DSCAM: variants seen among roughly 807,000 people sequenced by gnomAD.
DSCAM encodes the protein DS cell adhesion molecule.
A neutral mutation model predicts 217.7 loss-of-function variants in DSCAM; 47 were observed. The observed-to-expected ratio is 0.22, with a 90% confidence interval of 0.17 to 0.28. DSCAM has a LOEUF of 0.28. DSCAM is among the 10% of genes least tolerant of loss of function. The pLI is 1.00. For synonymous variants in DSCAM, 1,056 were observed against 1,015.3 expected (o/e 1.04, Z -0.76); for missense variants, 2,080 against 2,618.3 (o/e 0.79, Z 4.49).
chr21:40,385,707 T>A (rs2075077548), intron 3 of DSCAM, among the ~76,000 whole-genome samples: 1 of 152,228 alleles, frequency 6.6e-6, no homozygotes, highest in South Asian at 2.1e-4. Flanking sequence ...GCAGACAGGC[T>A]GTGTGCCACC....
chr21:40,316,638 A>T (rs2074200015), intron 8 of DSCAM, among the ~76,000 whole-genome samples: 1 of 152,170 alleles, frequency 6.6e-6, no homozygotes, highest in Non-Finnish European at 1.5e-5. Context: ...CCTGAATATG[A>T]CACACACCGC....
rs145269272 is a variant in DSCAM at position 40,509,984 on chromosome 21, C to T, written c.509-140739G>A. Among the ~76,000 whole-genome samples the T allele has an allele frequency of 6.5e-3, 982 of 152,078 alleles. 7 individuals carry two copies. The highest frequency in any genetic ancestry group is 0.022 in the African/African-American group (930 of 41,486). On this transcript the variant is annotated intron_variant, in intron 3 of 32. Transcript: ENST00000400454. ...CTAAATATACAAAAAATTAGCCAGGCGTGGTGGCACACAACTGTAGTCCCA... is the reference window on the plus strand; with the variant it reads ...CTAAATATACAAAAAATTAGCCAGGTGTGGTGGCACACAACTGTAGTCCCA...
chr21:40,284,183 T>G (rs2123408529), intron 10 of DSCAM, among the ~76,000 whole-genome samples: 1 of 152,018 alleles, frequency 6.6e-6, no homozygotes, highest in South Asian at 2.1e-4. Context: ...CTAAATAAGG[T>G]TTAGTAGCTG....
intron 14 of DSCAM, among the ~76,000 whole-genome samples, 174 bp from the exon 15 acceptor site, chr21:40,179,268 T>C (rs967185674): frequency 6.6e-6 from 1 of 151,274 alleles, no homozygotes; most frequent in South Asian, 2.1e-4. Context: ...TTCCCAGCTT[T>C]CTGGCAGAGT....
intron 1 of DSCAM, among the ~76,000 whole-genome samples, chr21:40,760,512 A>G (rs925899000): frequency 2.0e-5 from 3 of 152,146 alleles, no homozygotes; most frequent in Non-Finnish European, 2.9e-5. Flanking sequence ...TTTCTATCCA[A>G]CTGCAGAGGT....
At chr21:40,013,427 G>C (rs766993665) in intron 32 of DSCAM, 41 bp from the exon 33 acceptor site, 7 of 1,413,350 alleles carry the variant, frequency 5.0e-6, no homozygotes, top group African/African-American at 1.4e-5. Flanking sequence ...GTCTTCATTT[G>C]GTAAACATGG....
At chr21:40,301,853 C>A (rs1025059546) in intron 9 of DSCAM, among the ~76,000 whole-genome samples, 18 of 152,152 alleles carry the variant, frequency 1.2e-4, no homozygotes, top group Admixed American at 3.3e-4. Flanking sequence ...GGGTGACCCC[C>A]AAAGCCTGAG....
rs140988411 is a variant in DSCAM at position 40,762,505 on chromosome 21, G to A, written c.44-53734C>T. Reference sequence around the variant, plus strand: ...CAACCAAAAAAGCCCAGGACCAGACGGATTCACAGCCAAATTCTACCAGAG... The same window carrying A: ...CAACCAAAAAAGCCCAGGACCAGACAGATTCACAGCCAAATTCTACCAGAG... On this transcript the variant is annotated intron_variant, in intron 1 of 32. Transcript: ENST00000400454. Among the ~76,000 whole-genome samples, 290 of 152,200 alleles carry A rather than the reference G, an allele frequency of 1.9e-3. 2 individuals carry two copies. Among genetic ancestry groups the A allele is most frequent in the African/African-American group, 6.7e-3 (277 of 41,528 alleles).
intron 1 of DSCAM, among the ~76,000 whole-genome samples, chr21:40,838,075 TAA>T (rs1569061816): frequency 2.6e-5 from 4 of 151,982 alleles, no homozygotes; most frequent in Admixed American, 6.6e-5. Context: ...CTTAAAGTAA[TAA>T]GTTTCCTTAT....
intron 8 of DSCAM, among the ~76,000 whole-genome samples, chr21:40,322,084 C>T (rs1321785993): frequency 6.6e-6 from 1 of 152,222 alleles, no homozygotes; most frequent in Non-Finnish European, 1.5e-5. Context: ...AAAACACATA[C>T]TGCATATTTC....
chr21:40,817,715 T>C lies in DSCAM; in HGVS notation c.43+28904A>G, dbSNP rs117895665. Among the ~76,000 whole-genome samples, 17 of 152,320 alleles carry C rather than the reference T, an allele frequency of 1.1e-4. 1 individual carries two copies. The highest frequency in any genetic ancestry group is 4.1e-4 in the African/African-American group (17 of 41,568). On this transcript the variant is annotated intron_variant, in intron 1 of 32. Coordinates refer to ENST00000400454, the MANE Select transcript of DSCAM (RefSeq NM_001389.5). ...TGACAAAAATGCCATTTAGGGACTT[T>C]CAAATTTACAGCTAGGCAATTTGTC... is the stretch of plus-strand genomic sequence containing the variant.
intron 19 of DSCAM, among the ~76,000 whole-genome samples, chr21:40,133,336 T>G (rs1341306513): frequency 6.6e-6 from 1 of 152,208 alleles, no homozygotes; most frequent in Non-Finnish European, 1.5e-5. Context: ...AAATTTTTAC[T>G]AAATCACCAT....
At position 40,042,644 on chromosome 21, in the gene DSCAM, C is replaced by CTTTTT; in HGVS notation, c.5412_5413insAAAAA (p.Glu1805LysfsTer25). 1 of 1,608,978 alleles carries CTTTTT rather than the reference C, an allele frequency of 6.2e-7. No homozygotes were observed. Among genetic ancestry groups the CTTTTT allele is most frequent in the Non-Finnish European group, 8.5e-7 (1 of 1,178,260 alleles). Reference sequence around the variant, plus strand: ...TCTTCGTAAGTGGAGGAGGCACTTTCTGTGGAGACCATGCTGCTTCTTGCT... The same window carrying CTTTTT: ...TCTTCGTAAGTGGAGGAGGCACTTTCTTTTTTGTGGAGACCATGCTGCTTCTTGCT... On this transcript the variant is annotated frameshift_variant, in exon 32 of 33. Coordinates refer to ENST00000400454, the MANE Select transcript of DSCAM (RefSeq NM_001389.5). LOFTEE classifies it high-confidence loss of function.
chr21:40,108,324 G>T (rs1237777568), intron 20 of DSCAM, among the ~76,000 whole-genome samples: 1 of 152,028 alleles, frequency 6.6e-6, no homozygotes, highest in African/African-American at 2.4e-5. Context: ...TCTCAGGATA[G>T]TGCGAAAATC....
At chr21:40,530,003 G>C (rs113551232) in intron 3 of DSCAM, among the ~76,000 whole-genome samples, 1 of 152,082 alleles carries the variant, frequency 6.6e-6, no homozygotes, top group African/African-American at 2.4e-5. Context: ...TAACTCTAAG[G>C]GTGCTGTTTA....
chr21:40,715,265 G>A (rs895281381), intron 1 of DSCAM, among the ~76,000 whole-genome samples: 1 of 152,144 alleles, frequency 6.6e-6, no homozygotes, highest in Non-Finnish European at 1.5e-5. Flanking sequence ...CTTTATTCCG[G>A]AAAGTCAGAT....
At chr21:40,811,959 G>C (rs755560861) in intron 1 of DSCAM, among the ~76,000 whole-genome samples, 3 of 152,130 alleles carry the variant, frequency 2.0e-5, no homozygotes, top group African/African-American at 7.2e-5. Flanking sequence ...AGGCATCCTT[G>C]CTTCAGCAAA....
At chr21:40,110,796 AC>A (rs1168461823) in intron 20 of DSCAM, among the ~76,000 whole-genome samples, 3 of 152,270 alleles carry the variant, frequency 2.0e-5, no homozygotes, top group Admixed American at 1.3e-4. Context: ...GATTCAATCA[AC>A]TGGAAGAAAG....
chr21:40,356,206 T>C (rs1227898898), intron 4 of DSCAM, among the ~76,000 whole-genome samples: 1 of 152,156 alleles, frequency 6.6e-6, no homozygotes, highest in Non-Finnish European at 1.5e-5. Flanking sequence ...TTATGCCAGA[T>C]GAATAGATTC....
Sources: allele counts gnomAD v4.1 joint callset (sites outside exome capture counted in the v4.1 genomes callset), GRCh38; gene constraint gnomAD v4.1.1; transcripts MANE v1.5; gene names NCBI Gene and HGNC (gene_info 2026-07-23, HGNC 2026-07-21).